The following SLC6A16 variants were observed in gnomAD, a reference collection of about 807,000 sequenced individuals.
The protein encoded by SLC6A16 is solute carrier family 6 member 16, also known as orphan sodium- and chloride-dependent neurotransmitter transporter NTT5.
SLC6A16 carries 54 observed loss-of-function variants against 65.4 expected under a neutral mutation model. The observed-to-expected ratio is 0.83, with a 90% CI of 0.66 to 1.04. The LOEUF (loss-of-function observed/expected upper bound fraction) is 1.04. SLC6A16 is among the 50% of genes least tolerant of loss of function. SLC6A16 has a pLI of 0.00. For missense variants in SLC6A16, 816 were observed against 914.0 expected (o/e 0.89, Z 1.38); for synonymous variants, 330 against 346.5 (o/e 0.95, Z 0.53).
Position 49,290,346 on chromosome 19 carries a change from A to G in SLC6A16, c.1988T>C (p.Met663Thr), listed in dbSNP as rs1368460643. ...RPYPPWALLL[M>T]ITLFAIVILP... ...GATGACAATGGCAAAAAGGGTGATC[A>G]TCAAGAGCAGTGCCCACGGTGGGTA... The change falls in exon 12 of 12, where the codon ATG becomes ACG. Residue 663 changes from methionine to threonine, a missense_variant. Met to Thr is a moderately conservative substitution (Grantham distance 81). Transcript: ENST00000335875. The G allele has an allele frequency of 6.2e-7, 1 of 1,614,040 alleles. No individual in the cohort carries two copies. Among genetic ancestry groups the G allele is most frequent in the Non-Finnish European group, 8.5e-7 (1 of 1,179,992 alleles).
chr19:49,324,235 G>A (rs1240081852), intron 1 of SLC6A16, among the ~76,000 whole-genome samples: 1 of 152,062 alleles, frequency 6.6e-6, no homozygotes, highest in Non-Finnish European at 1.5e-5. Flanking sequence ...GGAGGCTGAG[G>A]CAGGAGAATC....
chr19:49,299,233 G>C (rs1177423344), intron 7 of SLC6A16, among the ~76,000 whole-genome samples: 3 of 147,674 alleles, frequency 2.0e-5, no homozygotes, highest in African/African-American at 7.5e-5. Flanking sequence ...GCAACAGAGC[G>C]AGACTCCGTC....
At chr19:49,339,779 G>T in the SLC6A16 span, 2 of 1,365,260 alleles carry the variant, frequency 1.5e-6, no homozygotes, top group Non-Finnish European at 1.9e-6. This position sits in a 1 kb window ranked among gnomAD's most constrained non-coding sequence, Gnocchi z 4.5. Flanking sequence ...GACGGCGGCG[G>T]CGGGCACAGC....
chr19:49,305,329 C>T (rs1212335879), intron 7 of SLC6A16, among the ~76,000 whole-genome samples: 3 of 152,034 alleles, frequency 2.0e-5, no homozygotes, highest in Non-Finnish European at 4.4e-5. Flanking sequence ...TGGTGGCTCA[C>T]GCCTGTAATC....
chr19:49,290,066 G>T lies in SLC6A16; in HGVS notation c.*57C>A. ...ATCAACAGTTGCAAGCTGATATTAA[G>T]AGTTGTCTATTGGATCTGTTCTAAG... On this transcript the variant is annotated 3_prime_UTR_variant, in exon 12 of 12. Coordinates refer to ENST00000335875, the MANE Select transcript of SLC6A16 (RefSeq NM_014037.3). 6.6e-7 allele frequency: 1 copy of T among 1,525,404 alleles called. No individual in the cohort carries two copies. The highest frequency in any genetic ancestry group is 8.9e-7 in the Non-Finnish European group (1 of 1,119,640). The allele number at this position is 1,525,404 out of a possible 1,614,324, so 94.5% of individuals were successfully genotyped here.
chr19:49,294,355 A>G lies in SLC6A16; in HGVS notation c.1416+12T>C, dbSNP rs779894660. ...GGAACTCTAGGCTCCCCCCTCAGCT[A>G]TGTTTACTGACCTTAAGAAACTGAG... On this transcript the variant is annotated intron_variant, in intron 8 of 11. Transcript: ENST00000335875. 2.5e-5 allele frequency: 40 copies of G among 1,613,166 alleles called. No homozygotes were observed. The highest frequency in any genetic ancestry group is 3.3e-5 in the Admixed American group (2 of 59,850).
chr19:49,320,071 C>T (rs557845242), intron 1 of SLC6A16, among the ~76,000 whole-genome samples: 1 of 152,080 alleles, frequency 6.6e-6, no homozygotes, highest in East Asian at 1.9e-4. Flanking sequence ...GCAACAAAAG[C>T]AATGCCAAGG....
At chr19:49,315,848 A>C (rs1970606206) in intron 1 of SLC6A16, among the ~76,000 whole-genome samples, 1 of 152,156 alleles carries the variant, frequency 6.6e-6, no homozygotes, top group Non-Finnish European at 1.5e-5. Flanking sequence ...ACATAGGCAC[A>C]TATTTAATAA....
In SLC6A16 at chr19:49,292,431, C is replaced by A. The variant is rs915029673; in HGVS notation, c.1778+792G>T. 5.9e-5 allele frequency among the ~76,000 whole-genome samples: 9 copies of A among 152,296 alleles called. No homozygotes were observed. The South Asian group carries it at 1.9e-3, about 32-fold the overall frequency. On this transcript the variant is annotated intron_variant, in intron 10 of 11. Transcript: ENST00000335875. The surrounding 1 kb of genome is among the most constrained non-coding windows in gnomAD (Gnocchi z 4.3). ...TCTTATCCTGGCTTCACTCTTGACT[C>A]TTCCTGGTCTGTTCTCCAGACAGCA... is the stretch of plus-strand genomic sequence containing the variant.
intron 7 of SLC6A16, among the ~76,000 whole-genome samples, chr19:49,306,966 C>A (rs1970401431): frequency 6.6e-6 from 1 of 150,932 alleles, no homozygotes; most frequent in African/African-American, 2.4e-5. Context: ...GAAAAAGATA[C>A]ACAGAGAGCA....
At position 49,308,976 on chromosome 19, in the gene SLC6A16, C is replaced by T. The variant is rs570510329; in HGVS notation, c.1129G>A (p.Val377Met). ...AAAGTGAGCAGGTTTATCACAGACA[C>T]GAGAAAGGCATCACTGAGACAGTTG... ...SNNCLSDAFL[V>M]SVINLLTLLV... Residue 377 changes from valine to methionine, a missense_variant, in exon 7 of 12, where the codon GTG becomes ATG. By Grantham distance (21) the Val-to-Met change is conservative (BLOSUM62 1). Coordinates refer to ENST00000335875, the MANE Select transcript of SLC6A16 (RefSeq NM_014037.3). The T allele has an allele frequency of 3.8e-5, 61 of 1,614,140 alleles. No individual in the cohort carries two copies. The highest frequency in any genetic ancestry group is 2.1e-4 in the South Asian group (19 of 91,090).
chr19:49,338,579 T>A, the SLC6A16 span: 1 of 707,788 alleles, frequency 1.4e-6, no homozygotes, highest in Non-Finnish European at 2.5e-6. The surrounding 1 kb of genome is among the most constrained non-coding windows in gnomAD (Gnocchi z 5.0). Context: ...TGTCCCCCAC[T>A]CCACACCCAC....
At chr19:49,329,059 C>T (rs553721804), upstream of SLC6A16, among the ~76,000 whole-genome samples, 3 of 152,244 alleles carry the variant, frequency 2.0e-5, no homozygotes, top group Admixed American at 6.5e-5. Context: ...TCCCAGATTC[C>T]TGACCCACAA....
At chr19:49,309,548 G>T in intron 5 of SLC6A16, 103 bp downstream of exon 5, 1 of 1,309,538 alleles carries the variant, frequency 7.6e-7, no homozygotes, top group Non-Finnish European at 1.1e-6. Flanking sequence ...GGCTAGGGGA[G>T]TAAAAGCCAA....
At chr19:49,309,460 A>AC in intron 5 of SLC6A16, 49 bp from the exon 6 acceptor site, 1 of 1,452,812 alleles carries the variant, frequency 6.9e-7, no homozygotes, top group Non-Finnish European at 9.6e-7. Flanking sequence ...GTAGGGGTCA[A>AC]CCAACAGTTA....
At chr19:49,297,231 CA>C (rs946041521) in intron 7 of SLC6A16, among the ~76,000 whole-genome samples, 17 of 151,568 alleles carry the variant, frequency 1.1e-4, no homozygotes, top group African/African-American at 3.6e-4. Context: ...TTTCACCGCC[CA>C]AAAAAAACCC....
the SLC6A16 span, chr19:49,335,141 C>A: frequency 5.1e-6 from 1 of 196,218 alleles, no homozygotes; most frequent in South Asian, 9.7e-5. This position sits in a 1 kb window ranked among gnomAD's most constrained non-coding sequence, Gnocchi z 4.6. Flanking sequence ...GTGAGGTCAG[C>A]TGCTGTCCAG....
Position 49,290,042 on chromosome 19 carries a change from TC to T in SLC6A16, c.*80del. On this transcript the variant is annotated 3_prime_UTR_variant, in exon 12 of 12. Coordinates refer to ENST00000335875, the MANE Select transcript of SLC6A16 (RefSeq NM_014037.3). Reference sequence around the variant, plus strand: ...AAAAGTGGTTCTGGATCCAGGGAGATCAACAGTTGCAAGCTGATATTAAGAG... The same window carrying T: ...AAAAGTGGTTCTGGATCCAGGGAGATAACAGTTGCAAGCTGATATTAAGAG... The T allele has an allele frequency of 7.0e-7, 1 of 1,423,546 alleles. No individual in the cohort carries two copies. The highest frequency in any genetic ancestry group is 1.4e-5 in the African/African-American group (1 of 70,636). 88.2% of individuals were successfully genotyped at this position (1,423,546 alleles called of 1,614,324 possible). A position where few individuals can be genotyped will look rare whatever the true frequency, so the allele number is the denominator to read the frequency against.
chr19:49,313,489 T>TA (rs1393646223), intron 1 of SLC6A16, among the ~76,000 whole-genome samples: 1 of 151,924 alleles, frequency 6.6e-6, no homozygotes, highest in East Asian at 1.9e-4. Context: ...TAATAATCAA[T>TA]AAAAATACGG....
Sources: gnomAD v4.1 joint callset for allele counts (sites outside exome capture counted in the v4.1 genomes callset) on GRCh38, gnomAD v4.1.1 for gene constraint, Gnocchi (gnomAD v3.1) non-coding constraint, MANE v1.5 for transcripts, NCBI Gene and HGNC (gene_info 2026-07-23, HGNC 2026-07-21) for gene names.